Variants in PLAAT5 observed in about 807,000 individuals in gnomAD.
PLAAT5 encodes the protein phospholipase A and acyltransferase 5, also known as Ca(2+)-independent N-acyltransferase.
Under a neutral mutation model 27.8 loss-of-function variants are expected in PLAAT5, and 27 were observed. The ratio of observed to expected loss-of-function variants is 0.97; its 90% confidence interval spans 0.72 to 1.34. PLAAT5 has a LOEUF of 1.34. Among genes scored for constraint, PLAAT5 ranks in the 40% most tolerant of loss-of-function variants. The probability of loss-of-function intolerance (pLI) is 0.00; values close to 1 mark genes in which losing one functional copy is unlikely to be tolerated. For missense variants in PLAAT5, 368 were observed against 343.8 expected, an observed-to-expected ratio of 1.07 and a Z score of -0.56; for synonymous variants, 125 against 136.1, an observed-to-expected ratio of 0.92 and a Z score of 0.57.
chr11:63,473,875 G>T lies in PLAAT5; in HGVS notation c.346-5410C>A, dbSNP rs569118478. On this transcript the variant is annotated intron_variant, in intron 3 of 5. Transcript: ENST00000540857. ...TACAGGCATGCGTCACCACTCCCAGGTAATTTATTTGGTTTGTTTCACCTT... is the reference window on the plus strand; with the variant it reads ...TACAGGCATGCGTCACCACTCCCAGTTAATTTATTTGGTTTGTTTCACCTT... 4.6e-5 allele frequency among the ~76,000 whole-genome samples: 7 copies of T among 151,588 alleles called. No individual in the cohort carries two copies. In the East Asian group the frequency reaches 1.4e-3, roughly 29 times the overall value.
chr11:63,473,276 G>A (rs956764219), intron 3 of PLAAT5, among the ~76,000 whole-genome samples: 7 of 152,112 alleles, frequency 4.6e-5, no homozygotes, highest in African/African-American at 1.7e-4. Flanking sequence ...TTCAAACAGC[G>A]TGTGCTCGCT....
intron 3 of PLAAT5, among the ~76,000 whole-genome samples, chr11:63,473,159 G>T (rs2016071078): frequency 6.6e-6 from 1 of 151,984 alleles, no homozygotes; most frequent in African/African-American, 2.4e-5. Context: ...GTACAGGCAT[G>T]TCTCATTTTA....
chr11:63,483,842 T>TATATATATAC (rs1345938456), intron 3 of PLAAT5, among the ~76,000 whole-genome samples: 2 of 94,002 alleles, frequency 2.1e-5, no homozygotes, highest in Non-Finnish European at 4.5e-5. Context: ...TATATATATA[T>TATATATATAC]ACACATATAT....
chr11:63,468,793 A>G (rs1321450701), intron 3 of PLAAT5, among the ~76,000 whole-genome samples: 1 of 152,194 alleles, frequency 6.6e-6, no homozygotes, highest in Non-Finnish European at 1.5e-5. Flanking sequence ...GTAAGATGTT[A>G]AACCTTCTCA....
In PLAAT5 at chr11:63,466,315, T is replaced by G. The variant is rs2015863772; in HGVS notation, c.512A>C (p.Lys171Thr). 1 of 1,614,126 alleles carries G rather than the reference T, an allele frequency of 6.2e-7. No homozygotes were observed. Among genetic ancestry groups the G allele is most frequent in the Non-Finnish European group, 8.5e-7 (1 of 1,180,022 alleles). Reference sequence around the variant, plus strand: ...CAGCACATCCTCCAGACGACTGTATTTCACCACGGCCCGATTGCTAAAGAT... The same window carrying G: ...CAGCACATCCTCCAGACGACTGTATGTCACCACGGCCCGATTGCTAAAGAT... ...TSIFSNRAVV[K>T]YSRLEDVLHG... is the part of the protein sequence containing the mutation. Residue 171 changes from lysine (K) to threonine (T), a missense_variant, in exon 5 of 6, where the codon AAA (lysine) becomes ACA (threonine). Physicochemically the swap from Lys to Thr is moderately conservative, Grantham distance 78. Coordinates refer to ENST00000540857, the MANE Select transcript of PLAAT5 (RefSeq NM_001146729.2).
intron 3 of PLAAT5, among the ~76,000 whole-genome samples, chr11:63,483,647 CAAAAA>C (rs899244670): frequency 6.2e-5 from 4 of 64,272 alleles, no homozygotes; most frequent in African/African-American, 1.6e-4. Flanking sequence ...ATGCCTACAC[CAAAAA>C]AAAAAAAAAA....
In PLAAT5 at chr11:63,490,580, C is replaced by T. The variant is rs1055710316; in HGVS notation, c.149-247G>A. On this transcript the variant is annotated intron_variant, in intron 1 of 5. Coordinates refer to ENST00000540857, the MANE Select transcript of PLAAT5 (RefSeq NM_001146729.2). The stretch of plus-strand genomic sequence containing the variant: ...GAATCGGGGAGAGGATGAAGAAGGG[C>T]GCCTCGCCTCTATCCTAAGCCCGAT... 16 of 642,130 alleles carry T rather than the reference C, an allele frequency of 2.5e-5. 1 individual carries two copies. In the South Asian group the frequency reaches 2.5e-4, roughly 10 times the overall value. 39.8% of individuals were successfully genotyped at this position (642,130 alleles called of 1,614,324 possible). A position where few individuals can be genotyped will look rare whatever the true frequency, so the allele number is the denominator to read the frequency against.
rs2016475346 is a variant in PLAAT5, at chr11:63,487,978, T to C, written c.345+893A>G. Among the ~76,000 whole-genome samples the C allele has an allele frequency of 3.3e-5, 5 of 152,114 alleles. No individual in the cohort carries two copies. In the South Asian group the frequency reaches 1.0e-3, roughly 31 times the overall value. The stretch of plus-strand genomic sequence containing the variant: ...GGCTAACACAGTGAAACCCCGTCTC[T>C]ACCAAAAATACAAAAAATTAGCCGG... On this transcript the variant is annotated intron_variant, in intron 3 of 5. Transcript: ENST00000540857.
Position 63,463,437 on chromosome 11 carries a change from G to T in PLAAT5, c.*66C>A. The stretch of plus-strand genomic sequence containing the variant: ...AATCGGAGCCATTGAGAGAAGGCAA[G>T]GGAAGGAAGCATGTTCTTTTTGCTT... On this transcript the variant is annotated 3_prime_UTR_variant, in exon 6 of 6. Transcript: ENST00000540857. 1 of 1,225,054 alleles carries T rather than the reference G, an allele frequency of 8.2e-7. No homozygotes were observed. The highest frequency in any genetic ancestry group is 2.3e-5 in the East Asian group (1 of 42,874). 75.9% of individuals were successfully genotyped at this position (1,225,054 alleles called of 1,614,324 possible). A position where few individuals can be genotyped will look rare whatever the true frequency, so the allele number is the denominator to read the frequency against.
At chr11:63,480,638 G>T (rs965653674) in intron 3 of PLAAT5, among the ~76,000 whole-genome samples, 1 of 152,080 alleles carries the variant, frequency 6.6e-6, no homozygotes, top group African/African-American at 2.4e-5. Flanking sequence ...AGTTCAGATT[G>T]GTCTGGAGTA....
intron 3 of PLAAT5, among the ~76,000 whole-genome samples, chr11:63,486,447 CAT>C (rs2016436799): frequency 1.3e-5 from 2 of 152,078 alleles, no homozygotes; most frequent in African/African-American, 4.8e-5. Context: ...CACACACACA[CAT>C]ACACACACAC....
chr11:63,476,700 C>T (rs551410678), intron 3 of PLAAT5, among the ~76,000 whole-genome samples: 1 of 152,148 alleles, frequency 6.6e-6, no homozygotes, highest in Non-Finnish European at 1.5e-5. Context: ...CACAGAGCTT[C>T]TTGGGTGTAT....
intron 3 of PLAAT5, chr11:63,470,008 G>A (rs899327508): frequency 6.6e-6 from 1 of 152,116 alleles, no homozygotes; most frequent in Admixed American, 6.6e-5. Flanking sequence ...AGAATAGCTT[G>A]AACCCAGGAG....
At position 63,490,931 on chromosome 11, in the gene PLAAT5, T is replaced by C. The variant is rs1307990608; in HGVS notation, c.104A>G (p.Lys35Arg). The C allele has an allele frequency of 3.1e-6, 5 of 1,603,410 alleles. No homozygotes were observed. The highest frequency in any genetic ancestry group is 4.6e-5 in the East Asian group (2 of 43,538). ...PASRTASTGPKDQPPALRRSA... is the reference protein window; with the variant it reads ...PASRTASTGPRDQPPALRRSA... ...ACGTCTGAGCGCAGGCGGCTGGTCCTTGGGCCCGGTACTGGCGGTTCGCGA... is the reference window on the plus strand; with the variant it reads ...ACGTCTGAGCGCAGGCGGCTGGTCCCTGGGCCCGGTACTGGCGGTTCGCGA... Residue 35 changes from lysine to arginine, a missense_variant, in exon 1 of 6, where the codon AAG becomes AGG. Coordinates refer to ENST00000540857, the MANE Select transcript of PLAAT5 (RefSeq NM_001146729.2).
At chr11:63,468,997 C>A (rs971641832) in intron 3 of PLAAT5, among the ~76,000 whole-genome samples, 4 of 151,950 alleles carry the variant, frequency 2.6e-5, no homozygotes, top group Non-Finnish European at 5.9e-5. Flanking sequence ...CCCACGTGAC[C>A]CACCTGAAGC....
chr11:63,467,987 C>T (rs1033658925), intron 4 of PLAAT5, among the ~76,000 whole-genome samples: 6 of 152,206 alleles, frequency 3.9e-5, no homozygotes, highest in South Asian at 2.1e-4. Context: ...AAACAAATGA[C>T]GATCAGAACA....
At chr11:63,479,915 G>A (rs17158380) in intron 3 of PLAAT5, among the ~76,000 whole-genome samples, 7,030 of 152,268 alleles carry the variant, frequency 0.046, 214 homozygotes, top group African/African-American at 0.075. Context: ...AGTCACTCCA[G>A]AGGGAAAGCC....
intron 3 of PLAAT5, chr11:63,470,322 A>T (rs1264160451): frequency 6.1e-6 from 1 of 163,306 alleles, no homozygotes; most frequent in Non-Finnish European, 1.4e-5. Flanking sequence ...AACATAAGAT[A>T]ATTCGTGCTG....
chr11:63,465,370 A>G, intron 5 of PLAAT5, among the ~76,000 whole-genome samples: 1 of 106,086 alleles, frequency 9.4e-6, no homozygotes. Flanking sequence ...TTCAAACAAA[A>G]AGTGTGTGTG....
Sources: allele counts gnomAD v4.1 joint callset (sites outside exome capture counted in the v4.1 genomes callset), GRCh38; gene constraint gnomAD v4.1.1; transcripts MANE v1.5; gene names NCBI Gene and HGNC (gene_info 2026-07-23, HGNC 2026-07-21).